MTUS2: variants seen among roughly 807,000 people sequenced by gnomAD.
The protein encoded by MTUS2 is microtubule-associated tumor suppressor candidate 2.
A neutral mutation model predicts 114.1 loss-of-function variants in MTUS2; 40 were observed. The ratio of observed to expected loss-of-function variants is 0.35; its 90% CI spans 0.27 to 0.46. MTUS2 has a LOEUF of 0.46. MTUS2 is among the 20% of genes least tolerant of loss of function. The pLI is 1.00. For missense variants in MTUS2, 1,679 were observed against 1,705.4 expected, an observed-to-expected ratio of 0.98 and a Z score of 0.27; for synonymous variants, 688 against 672.0, an observed-to-expected ratio of 1.02 and a Z score of -0.37.
At chr13:29,268,029 G>A (rs1024942542) in intron 5 of MTUS2, among the ~76,000 whole-genome samples, 4 of 152,060 alleles carry the variant, frequency 2.6e-5, no homozygotes, top group African/African-American at 4.8e-5. Context: ...TTAGGTTCTG[G>A]GGTACATGTG....
At chr13:29,397,313 A>G (rs1186435363) in intron 8 of MTUS2, among the ~76,000 whole-genome samples, 1 of 152,086 alleles carries the variant, frequency 6.6e-6, no homozygotes, top group Non-Finnish European at 1.5e-5. Context: ...CCCAGCTCTC[A>G]TCCCTTCCTC....
intron 2 of MTUS2, among the ~76,000 whole-genome samples, chr13:29,022,606 TG>T (rs1886339879): frequency 1.3e-5 from 2 of 152,212 alleles, no homozygotes; most frequent in Admixed American, 1.3e-4. Flanking sequence ...GCCTCACATG[TG>T]GTGTGCACGT....
chr13:29,087,309 G>T (rs1006583905), intron 4 of MTUS2, among the ~76,000 whole-genome samples: 3 of 152,166 alleles, frequency 2.0e-5, no homozygotes, highest in Non-Finnish European at 4.4e-5. Context: ...TTTTTAACAT[G>T]AAAGGATGTT....
chr13:29,089,424 A>T (rs184510794), intron 4 of MTUS2, among the ~76,000 whole-genome samples: 2 of 152,148 alleles, frequency 1.3e-5, no homozygotes, highest in South Asian at 4.1e-4. Flanking sequence ...TCTGATGACT[A>T]TGTGCTTTGA....
At chr13:29,072,366 G>A (rs1888979835) in intron 4 of MTUS2, among the ~76,000 whole-genome samples, 1 of 152,028 alleles carries the variant, frequency 6.6e-6, no homozygotes, top group Non-Finnish European at 1.5e-5. Context: ...TGGCAGTCTC[G>A]CCAAAATCTA....
chr13:28,856,969 G>C (rs192636424), intron 2 of MTUS2, among the ~76,000 whole-genome samples: 2 of 152,086 alleles, frequency 1.3e-5, no homozygotes, highest in Non-Finnish European at 2.9e-5. Flanking sequence ...ACACAACTTC[G>C]TAGCCACTGA....
In MTUS2 at chr13:28,916,326, C is replaced by T. The variant is rs534713490; in HGVS notation, c.-243+76476C>T. 6.6e-5 allele frequency among the ~76,000 whole-genome samples: 10 copies of T among 151,924 alleles called. No individual in the cohort carries two copies. In the East Asian group the frequency reaches 1.9e-3, roughly 29 times the overall value. On this transcript the variant is annotated intron_variant, in intron 2 of 15. Coordinates refer to ENST00000612955, the MANE Select transcript of MTUS2 (RefSeq NM_001033602.4). ...CATATTAGCGTTGTTTTTTCTGTTT[C>T]TGTGAAAAATGTCGTTGGTATTTTG... is the stretch of plus-strand genomic sequence containing the variant.
intron 2 of MTUS2, among the ~76,000 whole-genome samples, chr13:29,001,854 G>C (rs529767263): frequency 1.1e-4 from 16 of 152,204 alleles, no homozygotes; most frequent in African/African-American, 3.8e-4. Context: ...GAGGAGATGT[G>C]ATGATCAAAA....
intron 2 of MTUS2, among the ~76,000 whole-genome samples, chr13:28,979,483 A>ACTTTTCTCTTG (rs1884263247): frequency 6.6e-6 from 1 of 152,224 alleles, no homozygotes; most frequent in African/African-American, 2.4e-5. Context: ...TCCAGCATAT[A>ACTTTTCTCTTG]CTTTTCTCTT....
At chr13:29,406,214 A>G (rs573152077) in intron 8 of MTUS2, among the ~76,000 whole-genome samples, 2 of 152,208 alleles carry the variant, frequency 1.3e-5, no homozygotes, top group East Asian at 1.9e-4. Flanking sequence ...TTGCATAACA[A>G]ATTACCCCCA....
intron 2 of MTUS2, among the ~76,000 whole-genome samples, chr13:28,905,940 T>C (rs956082991): frequency 3.3e-5 from 5 of 151,782 alleles, no homozygotes; most frequent in African/African-American, 1.2e-4. Flanking sequence ...GAGCCTGTTA[T>C]TGGTCTATTC....
At chr13:29,107,145 C>T (rs1890703200) in intron 5 of MTUS2, among the ~76,000 whole-genome samples, 1 of 152,094 alleles carries the variant, frequency 6.6e-6, no homozygotes, top group Non-Finnish European at 1.5e-5. Context: ...CTCTAAAAAT[C>T]CCTCAATGTG....
intron 2 of MTUS2, among the ~76,000 whole-genome samples, chr13:28,874,290 A>G (rs1419867122): frequency 6.6e-6 from 1 of 152,106 alleles, no homozygotes; most frequent in Non-Finnish European, 1.5e-5. Flanking sequence ...ATGAACCACC[A>G]TGCCCCGCCA....
intron 4 of MTUS2, among the ~76,000 whole-genome samples, chr13:29,044,472 G>T (rs575841952): frequency 1.3e-3 from 197 of 151,900 alleles, no homozygotes; most frequent in Non-Finnish European, 2.4e-3. Flanking sequence ...TGTTTTATAT[G>T]GTTTTCATCA....
At chr13:29,253,485 A>G (rs1159832852) in intron 5 of MTUS2, among the ~76,000 whole-genome samples, 1 of 152,134 alleles carries the variant, frequency 6.6e-6, no homozygotes, top group Non-Finnish European at 1.5e-5. Flanking sequence ...GTGGCTTTAT[A>G]TACCATTTCT....
intron 4 of MTUS2, among the ~76,000 whole-genome samples, chr13:29,072,522 A>G (rs2181183): frequency 0.57 from 87,359 of 151,972 alleles, 25,397 homozygotes; most frequent in Non-Finnish European, 0.61. Context: ...GGCACTCCAT[A>G]GAAAAGACTT....
chr13:29,122,533 C>A (rs530770264), intron 5 of MTUS2, among the ~76,000 whole-genome samples: 9 of 152,256 alleles, frequency 5.9e-5, no homozygotes, highest in Admixed American at 3.3e-4. Flanking sequence ...CCCCATGATT[C>A]AGTTACCTCT....
chr13:29,460,955 T>C (rs1879445830), intron 9 of MTUS2, among the ~76,000 whole-genome samples: 1 of 152,216 alleles, frequency 6.6e-6, no homozygotes, highest in Non-Finnish European at 1.5e-5. Flanking sequence ...TTTTCTCTTT[T>C]CTTTAGTGAG....
At chr13:29,086,484 G>A (rs1889697661) in intron 4 of MTUS2, among the ~76,000 whole-genome samples, 2 of 152,024 alleles carry the variant, frequency 1.3e-5, no homozygotes, top group Admixed American at 1.3e-4. Flanking sequence ...TGGTCTGTGT[G>A]TTTGTTTTTG....
Sources: allele counts gnomAD v4.1 joint callset (sites outside exome capture counted in the v4.1 genomes callset), GRCh38; gene constraint gnomAD v4.1.1; transcripts MANE v1.5; gene names NCBI Gene and HGNC (gene_info 2026-07-23, HGNC 2026-07-21).